The following LRMDA variants were observed in gnomAD, a reference collection of about 807,000 sequenced individuals.
LRMDA encodes leucine-rich melanocyte differentiation-associated protein.
Under a neutral mutation model 29.8 loss-of-function variants are expected in LRMDA, and 18 were observed. That is an observed-to-expected ratio of 0.60 (90% CI 0.42 to 0.90). The LOEUF is 0.90. Among genes scored for constraint, LRMDA ranks in the 40% least tolerant of loss-of-function variants. The pLI is 0.00. For missense variants in LRMDA, 273 were observed against 273.9 expected (o/e 1.00, Z 0.02); for synonymous variants, 125 against 109.4 (o/e 1.14, Z -0.89).
At chr10:75,560,618 C>A (rs976569108) in intron 2 of LRMDA, among the ~76,000 whole-genome samples, 5 of 150,948 alleles carry the variant, frequency 3.3e-5, no homozygotes, top group Non-Finnish European at 7.4e-5. Flanking sequence ...TGCCAGTTTT[C>A]AAAGGGAATG....
chr10:75,974,079 G>A (rs532350367), intron 2 of LRMDA, among the ~76,000 whole-genome samples: 1 of 152,092 alleles, frequency 6.6e-6, no homozygotes, highest in African/African-American at 2.4e-5. Context: ...ACTTTTAAAG[G>A]GGCCAGTTTT....
At chr10:75,861,563 T>C (rs1440780969) in intron 2 of LRMDA, among the ~76,000 whole-genome samples, 1 of 151,910 alleles carries the variant, frequency 6.6e-6, no homozygotes, top group Non-Finnish European at 1.5e-5. Flanking sequence ...GAAATGCTTC[T>C]CTTTTTCTCT....
chr10:75,443,831 G>T (rs1232593947), intron 2 of LRMDA, among the ~76,000 whole-genome samples: 3 of 152,070 alleles, frequency 2.0e-5, no homozygotes, highest in Non-Finnish European at 2.9e-5. Context: ...TTTCTTTGTT[G>T]GGAGATTTTT....
At chr10:76,038,276 G>T (rs1217772060) in intron 3 of LRMDA, among the ~76,000 whole-genome samples, 1 of 152,174 alleles carries the variant, frequency 6.6e-6, no homozygotes, top group Non-Finnish European at 1.5e-5. Flanking sequence ...TCACAGTATT[G>T]CTGTCACCAG....
intron 2 of LRMDA, among the ~76,000 whole-genome samples, chr10:75,527,048 A>G (rs1845421751): frequency 6.6e-6 from 1 of 151,724 alleles, no homozygotes; most frequent in African/African-American, 2.4e-5. Flanking sequence ...CCTCCCTCTA[A>G]CTCCTGGCAA....
At chr10:75,488,810 G>A (rs1467715060) in intron 2 of LRMDA, among the ~76,000 whole-genome samples, 1 of 152,124 alleles carries the variant, frequency 6.6e-6, no homozygotes, top group Admixed American at 6.5e-5. Flanking sequence ...GAAAGGAGAG[G>A]CACTGGGTGG....
intron 6 of LRMDA, among the ~76,000 whole-genome samples, chr10:76,344,677 G>A (rs1276978452): frequency 6.6e-6 from 1 of 151,960 alleles, no homozygotes; most frequent in Non-Finnish European, 1.5e-5. Context: ...ATGTGGTACT[G>A]GCACAGGACT....
chr10:76,413,658 A>C (rs1406561759), intron 6 of LRMDA, among the ~76,000 whole-genome samples: 1 of 152,186 alleles, frequency 6.6e-6, no homozygotes, highest in Non-Finnish European at 1.5e-5. Context: ...TCTGATTCTC[A>C]AACTAAAAAA....
chr10:76,384,074 TA>T (rs1236961462), intron 6 of LRMDA, among the ~76,000 whole-genome samples: 2 of 152,172 alleles, frequency 1.3e-5, no homozygotes, highest in East Asian at 3.9e-4. Flanking sequence ...GCATGGTCCT[TA>T]ATCTGTCCTG....
intron 2 of LRMDA, among the ~76,000 whole-genome samples, chr10:75,917,714 A>G (rs1046213567): frequency 6.6e-6 from 1 of 152,218 alleles, no homozygotes; most frequent in Non-Finnish European, 1.5e-5. Context: ...CATGGCAGGA[A>G]CATTTAAAAA....
intron 4 of LRMDA, among the ~76,000 whole-genome samples, chr10:76,047,553 A>C (rs1448252017): frequency 1.3e-5 from 2 of 152,310 alleles, no homozygotes; most frequent in East Asian, 1.9e-4. Context: ...TAAGTATTTT[A>C]GGTTTTCCAA....
chr10:76,553,124 G>A (rs1485336042), intron 6 of LRMDA, among the ~76,000 whole-genome samples: 1 of 152,172 alleles, frequency 6.6e-6, no homozygotes, highest in Non-Finnish European at 1.5e-5. Context: ...AGTCTCATTT[G>A]GCAGGAGAGA....
intron 5 of LRMDA, among the ~76,000 whole-genome samples, chr10:76,066,853 G>A (rs1848793443): frequency 6.6e-6 from 1 of 152,192 alleles, no homozygotes; most frequent in African/African-American, 2.4e-5. Context: ...AAAAAGTCTG[G>A]GCAGGCCTGT....
chr10:76,212,900 A>C (rs1851661466), intron 5 of LRMDA, among the ~76,000 whole-genome samples: 3 of 152,192 alleles, frequency 2.0e-5, no homozygotes, highest in Admixed American at 2.0e-4. Flanking sequence ...GGAATCAGGC[A>C]ATGTCCATAA....
intron 6 of LRMDA, among the ~76,000 whole-genome samples, chr10:76,404,787 G>A (rs983564062): frequency 2.6e-5 from 4 of 152,160 alleles, no homozygotes; most frequent in South Asian, 2.1e-4. Flanking sequence ...TTAAGTTAAG[G>A]AACTTGAGAT....
At chr10:76,137,664 G>T (rs1850120281) in intron 5 of LRMDA, among the ~76,000 whole-genome samples, 1 of 151,378 alleles carries the variant, frequency 6.6e-6, no homozygotes, top group Admixed American at 6.6e-5. Context: ...GCTATAGCCA[G>T]ATGTCACAAT....
intron 1 of LRMDA, 90 bp from the exon 2 acceptor site, chr10:75,438,304 A>G (rs2132021918): frequency 9.9e-7 from 1 of 1,009,330 alleles, no homozygotes; most frequent in Non-Finnish European, 1.5e-6. Context: ...TTCAAGTTGC[A>G]GAAGCAATCA....
intron 2 of LRMDA, among the ~76,000 whole-genome samples, chr10:75,532,040 C>A (rs1845482901): frequency 8.0e-6 from 1 of 124,952 alleles, no homozygotes; most frequent in Admixed American, 9.4e-5. Context: ...GAAGACTCTA[C>A]CTCAAAAGAA....
At chr10:76,094,035 T>C (rs1357463244) in intron 5 of LRMDA, among the ~76,000 whole-genome samples, 2 of 152,196 alleles carry the variant, frequency 1.3e-5, no homozygotes. Flanking sequence ...TGTAGTACTT[T>C]CACACACAGT....
Sources: allele counts gnomAD v4.1 joint callset (sites outside exome capture counted in the v4.1 genomes callset), GRCh38; gene constraint gnomAD v4.1.1; transcripts MANE v1.5; gene names NCBI Gene and HGNC (gene_info 2026-07-23, HGNC 2026-07-21).